Variants in HDAC2 observed in about 807,000 individuals in gnomAD.
HDAC2 encodes YY1-associated factor 1.
A neutral mutation model predicts 68.5 loss-of-function variants in HDAC2; 5 were observed. The observed-to-expected ratio is 0.07, with a 90% CI of 0.04 to 0.15. The LOEUF (loss-of-function observed/expected upper bound fraction) is 0.15, where lower values mean the gene tolerates loss of function less well. Among genes scored for constraint, HDAC2 ranks in the 10% least tolerant of loss-of-function variants. The pLI is 1.00. For synonymous variants in HDAC2, 182 were observed against 191.3 expected, an observed-to-expected ratio of 0.95 and a Z score of 0.40; for missense variants, 291 against 600.8, an observed-to-expected ratio of 0.48 and a Z score of 5.39.
chr6:113,967,165 G>A (rs956689313), intron 1 of HDAC2, among the ~76,000 whole-genome samples: 3 of 151,220 alleles, frequency 2.0e-5, no homozygotes, highest in African/African-American at 7.4e-5. Context: ...TTTTGAGACG[G>A]AGTTTCGCTC....
intron 2 of HDAC2, chr6:113,959,663 TC>T (rs1346141458): frequency 3.8e-6 from 1 of 265,772 alleles, no homozygotes; most frequent in East Asian, 7.5e-5. Context: ...TGAGTTGTTC[TC>T]CAGAACCATG....
rs1776029174 is a variant in HDAC2 at position 113,937,500 on chromosome 6, G to A, written c.*3558C>T. The A allele has an allele frequency of 1.3e-5, 2 of 152,184 alleles. No individual in the cohort carries two copies. Among genetic ancestry groups the A allele is most frequent in the Admixed American group, 1.3e-4 (2 of 15,284 alleles). 9.4% of individuals were successfully genotyped at this position (152,184 alleles called of 1,614,324 possible). ...TTAAATGAATTAAAGAGCTTTACTT[G>A]AGTTAATATCTTAGTTTACCAAACC... On this transcript the variant is annotated 3_prime_UTR_variant, in exon 14 of 14. Coordinates refer to ENST00000519065, the MANE Select transcript of HDAC2 (RefSeq NM_001527.4).
chr6:113,958,640 G>A lies in HDAC2; in HGVS notation c.283+9C>T, dbSNP rs771181993. The A allele has an allele frequency of 1.5e-6, 2 of 1,340,846 alleles. No homozygotes were observed. Among genetic ancestry groups the A allele is most frequent in the South Asian group, 2.5e-5 (2 of 79,706 alleles). 83.1% of individuals were successfully genotyped at this position (1,340,846 alleles called of 1,614,324 possible). A position where few individuals can be genotyped will look rare whatever the true frequency, so the allele number is the denominator to read the frequency against. On this transcript the variant is annotated intron_variant, in intron 3 of 13. Coordinates refer to ENST00000519065, the MANE Select transcript of HDAC2 (RefSeq NM_001527.4). ...TCAAAGCAAAACTACTTTTTACTTAGAAACGTACATCTCTGCATCTGCTTA... is the reference window on the plus strand; with the variant it reads ...TCAAAGCAAAACTACTTTTTACTTAAAAACGTACATCTCTGCATCTGCTTA...
intron 3 of HDAC2, 152 bp downstream of exon 3, chr6:113,958,497 C>A: frequency 3.7e-6 from 2 of 546,946 alleles, no homozygotes; most frequent in South Asian, 2.4e-5. Context: ...TCTTAAGTAG[C>A]TTTAGTAGTG....
chr6:113,948,706 T>C (rs1390389719), intron 8 of HDAC2: 1 of 348,732 alleles, frequency 2.9e-6, no homozygotes, highest in Non-Finnish European at 5.2e-6. Context: ...ATGTTTTATT[T>C]ACACTGAGTC....
In HDAC2 at chr6:113,971,013, G is replaced by A; in HGVS notation, c.-105C>T. 6.3e-7 allele frequency: 1 copy of A among 1,576,914 alleles called. No homozygotes were observed. The highest frequency in any genetic ancestry group is 1.9e-5 in the Admixed American group (1 of 53,806). On this transcript the variant is annotated 5_prime_UTR_variant, in exon 1 of 14. Transcript: ENST00000519065. ...GAGAGAAAAGGGCTGAGGGAAACGT[G>A]GGGGCGATAGTCCCGCGGGGAAGGG...
At chr6:113,954,173 A>G (rs1776490610) in intron 5 of HDAC2, among the ~76,000 whole-genome samples, 1 of 152,234 alleles carries the variant, frequency 6.6e-6, no homozygotes, top group Non-Finnish European at 1.5e-5. Context: ...TCATGTCAAA[A>G]TAAGGGGAAA....
chr6:113,954,304 T>C (rs1776494351), intron 5 of HDAC2, among the ~76,000 whole-genome samples: 1 of 152,164 alleles, frequency 6.6e-6, no homozygotes, highest in Admixed American at 6.5e-5. Context: ...ACAATGTAAA[T>C]TGATATTTCC....
intron 1 of HDAC2, among the ~76,000 whole-genome samples, chr6:113,964,075 A>C (rs1291833967): frequency 2.0e-5 from 3 of 152,194 alleles, no homozygotes; most frequent in African/African-American, 7.2e-5. Flanking sequence ...ACAGCAAAAA[A>C]GTGTGAATAT....
At position 113,933,828 on chromosome 6, in the gene HDAC2, C is replaced by T. The variant is rs554526831; in HGVS notation, c.*7230G>A. 4.0e-4 allele frequency: 60 copies of T among 151,448 alleles called. No homozygotes were observed. The highest frequency in any genetic ancestry group is 1.5e-3 in the African/African-American group (60 of 41,228). 9.4% of individuals were successfully genotyped at this position (151,448 alleles called of 1,614,324 possible). ...GTATATATATATATGTGTGTGTATA[C>T]ATATATATAGAAGGAATTCTCTTTC... On this transcript the variant is annotated 3_prime_UTR_variant, in exon 14 of 14. Transcript: ENST00000519065.
intron 5 of HDAC2, among the ~76,000 whole-genome samples, chr6:113,954,202 C>T (rs554933909): frequency 6.6e-6 from 1 of 152,234 alleles, no homozygotes; most frequent in East Asian, 1.9e-4. Context: ...CTCATGTCAT[C>T]CTTTTGAAGT....
chr6:113,953,510 T>C (rs922196560), intron 5 of HDAC2, 92 bp from the exon 6 acceptor site: 11 of 652,800 alleles, frequency 1.7e-5, no homozygotes, highest in Non-Finnish European at 2.6e-5. Flanking sequence ...TTTTGAGCTC[T>C]TGCATTCCAG....
At chr6:113,964,626 C>G (rs905550363) in intron 1 of HDAC2, among the ~76,000 whole-genome samples, 1 of 152,186 alleles carries the variant, frequency 6.6e-6, no homozygotes. Flanking sequence ...GACCAGTCGT[C>G]TGTCTATGCT....
chr6:113,962,807 CA>C (rs558676842), intron 1 of HDAC2, among the ~76,000 whole-genome samples: 240 of 143,384 alleles, frequency 1.7e-3, no homozygotes, highest in Admixed American at 5.5e-3. Context: ...ACTAAAAATA[CA>C]AAAAAAAAAG....
At chr6:113,955,462 C>T (rs531060450) in intron 5 of HDAC2, among the ~76,000 whole-genome samples, 6 of 152,292 alleles carry the variant, frequency 3.9e-5, no homozygotes, top group South Asian at 4.1e-4. Context: ...CCACCCACCT[C>T]GTCCTCCCAA....
rs961355161 is a variant in HDAC2, at chr6:113,934,356, T to A, written c.*6702A>T. On this transcript the variant is annotated 3_prime_UTR_variant, in exon 14 of 14. Coordinates refer to ENST00000519065, the MANE Select transcript of HDAC2 (RefSeq NM_001527.4). ...CTGTTACCTAGTCAGTTTCATAGAT[T>A]TAGTAAACTGAAGCACAGAAATTTA... 6 of 152,194 alleles carry A rather than the reference T, an allele frequency of 3.9e-5. No individual in the cohort carries two copies. The highest frequency in any genetic ancestry group is 1.4e-4 in the African/African-American group (6 of 41,440). 9.4% of individuals were successfully genotyped at this position (152,194 alleles called of 1,614,324 possible).
chr6:113,964,222 T>G lies in HDAC2; in HGVS notation c.53-4204A>C, dbSNP rs944055179. Among the ~76,000 whole-genome samples the G allele has an allele frequency of 2.0e-5, 3 of 151,906 alleles. No individual in the cohort carries two copies. The East Asian group carries it at 5.8e-4, about 29-fold the overall frequency. ...GATTTCAGAACTGTGAAATGTACCT[T>G]TAGCCACAAAGATAAGTTGACTGCA... On this transcript the variant is annotated intron_variant, in intron 1 of 13. Transcript: ENST00000519065.
rs965291430 is a variant in HDAC2, at chr6:113,939,433, C to T, written c.*1625G>A. The stretch of plus-strand genomic sequence containing the variant: ...CATGTAACCAAACACCACCTGTTCC[C>T]CAATAAGCTATGGAAAAATAAAAAT... On this transcript the variant is annotated 3_prime_UTR_variant, in exon 14 of 14. Coordinates refer to ENST00000519065, the MANE Select transcript of HDAC2 (RefSeq NM_001527.4). 1 of 152,008 alleles carries T rather than the reference C, an allele frequency of 6.6e-6. No individual in the cohort carries two copies. Among genetic ancestry groups the T allele is most frequent in the African/African-American group, 2.4e-5 (1 of 41,378 alleles). The allele number at this position is 152,008 out of a possible 1,614,324, so 9.4% of individuals were successfully genotyped here. A position where few individuals can be genotyped will look rare whatever the true frequency, so the allele number is the denominator to read the frequency against.
At chr6:113,949,618 T>C (rs1582482583) in intron 6 of HDAC2, among the ~76,000 whole-genome samples, 1 of 152,210 alleles carries the variant, frequency 6.6e-6, no homozygotes, top group East Asian at 1.9e-4. Flanking sequence ...GGCAACTTTA[T>C]GAGTAAACCT....
Sources: gnomAD v4.1 joint callset for allele counts (sites outside exome capture counted in the v4.1 genomes callset) on GRCh38, gnomAD v4.1.1 for gene constraint, MANE v1.5 for transcripts, NCBI Gene and HGNC (gene_info 2026-07-23, HGNC 2026-07-21) for gene names.